The following KCNK10 variants were observed in gnomAD, a reference collection of about 807,000 sequenced individuals.
KCNK10 encodes the protein potassium channel subfamily K member 10.
Under a neutral mutation model 47.7 loss-of-function variants are expected in KCNK10, and 25 were observed. That is an observed-to-expected ratio of 0.52 (90% confidence interval 0.38 to 0.73). KCNK10 has a LOEUF of 0.73. Ranked by LOEUF, KCNK10 falls within the 30% of genes least tolerant of loss-of-function variation. The pLI, the probability that KCNK10 is intolerant of heterozygous loss-of-function variation, is 0.00. For missense variants in KCNK10, 563 were observed against 714.5 expected (o/e 0.79, Z 2.42); for synonymous variants, 303 against 285.6 (o/e 1.06, Z -0.61).
chr14:88,209,910 G>C (rs747372563), intron 4 of KCNK10, among the ~76,000 whole-genome samples: 2 of 152,120 alleles, frequency 1.3e-5, no homozygotes, highest in Non-Finnish European at 2.9e-5. Context: ...GCCAATAAAG[G>C]CACAGTAACA....
At chr14:88,220,155 C>T (rs960631143) in intron 4 of KCNK10, among the ~76,000 whole-genome samples, 7 of 152,066 alleles carry the variant, frequency 4.6e-5, no homozygotes, top group African/African-American at 7.2e-5. Flanking sequence ...CGGTGGCTCA[C>T]GCCTGTAATC....
At chr14:88,187,896 A>C in intron 6 of KCNK10, 71 bp downstream of exon 6, 5 of 1,555,768 alleles carry the variant, frequency 3.2e-6, no homozygotes, top group Non-Finnish European at 4.4e-6. Context: ...CCCACAGGAC[A>C]GAGACAGGCA....
chr14:88,224,907 G>A (rs1885935532), intron 4 of KCNK10, among the ~76,000 whole-genome samples: 1 of 152,154 alleles, frequency 6.6e-6, no homozygotes, highest in Non-Finnish European at 1.5e-5. Flanking sequence ...ACCATGCCCG[G>A]CAGAAAGCCA....
At chr14:88,251,639 C>A (rs541668895) in intron 2 of KCNK10, among the ~76,000 whole-genome samples, 3 of 152,208 alleles carry the variant, frequency 2.0e-5, no homozygotes, top group Non-Finnish European at 4.4e-5. Flanking sequence ...TGGGTTTATA[C>A]GAAGAACCAA....
intron 1 of KCNK10, among the ~76,000 whole-genome samples, chr14:88,286,197 C>A (rs1186512933): frequency 1.3e-5 from 2 of 152,182 alleles, no homozygotes; most frequent in East Asian, 3.8e-4. Context: ...CCCACAGACA[C>A]CTGTAGATTT....
intron 4 of KCNK10, among the ~76,000 whole-genome samples, chr14:88,225,475 G>A (rs1056969090): frequency 3.9e-5 from 6 of 152,224 alleles, no homozygotes; most frequent in African/African-American, 1.4e-4. Context: ...GCTTCAAGGG[G>A]AAGGAGAACC....
At chr14:88,256,902 C>T (rs774596816) in intron 2 of KCNK10, among the ~76,000 whole-genome samples, 3 of 152,112 alleles carry the variant, frequency 2.0e-5, no homozygotes, top group East Asian at 3.9e-4. Flanking sequence ...ACACCGTGAT[C>T]GCAATCTCCA....
chr14:88,306,715 C>T (rs1473003138), intron 1 of KCNK10, among the ~76,000 whole-genome samples: 1 of 152,124 alleles, frequency 6.6e-6, no homozygotes, highest in Non-Finnish European at 1.5e-5. Context: ...GGGGAGCCAA[C>T]TAAGACACCA....
chr14:88,280,874 GC>G (rs1887636881), intron 1 of KCNK10, among the ~76,000 whole-genome samples: 1 of 152,112 alleles, frequency 6.6e-6, no homozygotes, highest in Non-Finnish European at 1.5e-5. Context: ...CTCCCACAGA[GC>G]AGTCAGAAAA....
intron 5 of KCNK10, 22 bp from the exon 6 acceptor site, chr14:88,188,131 T>G: frequency 6.2e-7 from 1 of 1,613,698 alleles, no homozygotes; most frequent in Non-Finnish European, 8.5e-7. Context: ...CAAATGTTAC[T>G]TTAACCATGA....
At chr14:88,218,333 C>T (rs1017585193) in intron 4 of KCNK10, among the ~76,000 whole-genome samples, 1 of 152,192 alleles carries the variant, frequency 6.6e-6, no homozygotes, top group African/African-American at 2.4e-5. Flanking sequence ...CATGCCCCTT[C>T]CTGGAATCTA....
intron 2 of KCNK10, among the ~76,000 whole-genome samples, chr14:88,256,783 T>A (rs1886970136): frequency 6.6e-6 from 1 of 152,170 alleles, no homozygotes; most frequent in Admixed American, 6.5e-5. Context: ...GTTTTCTGGT[T>A]TCTTTTTTTC....
intron 2 of KCNK10, among the ~76,000 whole-genome samples, chr14:88,243,709 A>G (rs1886543940): frequency 6.6e-6 from 1 of 152,112 alleles, no homozygotes; most frequent in African/African-American, 2.4e-5. Flanking sequence ...GTTGATTTTT[A>G]TACCCTAAGA....
At chr14:88,289,851 C>T in intron 1 of KCNK10, among the ~76,000 whole-genome samples, 1 of 152,218 alleles carries the variant, frequency 6.6e-6, no homozygotes, top group South Asian at 2.1e-4. Context: ...GGCACAATGC[C>T]TGGCACATAG....
At position 88,193,584 on chromosome 14, in the gene KCNK10, C is replaced by T. The variant is rs149824989; in HGVS notation, c.682-1174G>A. Among the ~76,000 whole-genome samples, 64 of 152,228 alleles carry T rather than the reference C, an allele frequency of 4.2e-4. 1 individual carries two copies. The East Asian group carries it at 9.5e-3, about 22-fold the overall frequency. On this transcript the variant is annotated intron_variant, in intron 4 of 6. Transcript: ENST00000319231. ...ATTGCCTAGATGAATTTTCTGCAAA[C>T]GTACACCACATTTGGGGCAATCAAT... is the stretch of plus-strand genomic sequence containing the variant.
chr14:88,241,853 T>G (rs1012971975), intron 2 of KCNK10, among the ~76,000 whole-genome samples: 10 of 152,176 alleles, frequency 6.6e-5, no homozygotes, highest in Non-Finnish European at 1.5e-5. Flanking sequence ...CTCCCTAGCC[T>G]CATCACGAGC....
At chr14:88,319,798 G>C (rs1170328699) in intron 1 of KCNK10, among the ~76,000 whole-genome samples, 1 of 152,182 alleles carries the variant, frequency 6.6e-6, no homozygotes, top group Admixed American at 6.5e-5. Context: ...CAGACTTGAA[G>C]AGTGTTTAAG....
In KCNK10 at chr14:88,265,708, G is replaced by T. The variant is rs769622329; in HGVS notation, c.53-2157C>A. On this transcript the variant is annotated intron_variant, in intron 1 of 6. Transcript: ENST00000319231. ...TTCCCATAATCCTTACATCTTGGGG[G>T]AGTGACCCCGTGGGAGGTAATTGAA... Among the ~76,000 whole-genome samples the T allele has an allele frequency of 3.9e-5, 6 of 152,192 alleles. No homozygotes were observed. The East Asian group carries it at 1.2e-3, about 29-fold the overall frequency.
At chr14:88,266,525 T>C (rs1255056127) in intron 1 of KCNK10, among the ~76,000 whole-genome samples, 4 of 152,226 alleles carry the variant, frequency 2.6e-5, no homozygotes, top group African/African-American at 9.6e-5. Flanking sequence ...CTTTTAATCA[T>C]TGGATCTCAA....
Sources: allele counts gnomAD v4.1 joint callset (sites outside exome capture counted in the v4.1 genomes callset), GRCh38; gene constraint gnomAD v4.1.1; transcripts MANE v1.5; gene names NCBI Gene and HGNC (gene_info 2026-07-23, HGNC 2026-07-21).